The following SPAG16 variants were observed in gnomAD, a reference collection of about 807,000 sequenced individuals.
The protein encoded by SPAG16 is sperm associated antigen 16.
SPAG16 carries 86 observed loss-of-function variants against 80.4 expected under a neutral mutation model. The observed-to-expected ratio is 1.07, with a 90% CI of 0.90 to 1.28. The LOEUF is 1.28. Ranked by LOEUF, SPAG16 falls within the 50% of genes most tolerant of loss-of-function variation. The pLI, the probability that SPAG16 is intolerant of heterozygous loss-of-function variation, is 0.00. For missense variants in SPAG16, 870 were observed against 765.3 expected (o/e 1.14, Z -1.61); for synonymous variants, 294 against 265.9 (o/e 1.11, Z -1.03).
At chr2:214,377,262 A>C (rs550125768) in intron 15 of SPAG16, among the ~76,000 whole-genome samples, 38 of 152,310 alleles carry the variant, frequency 2.5e-4, no homozygotes, top group African/African-American at 8.7e-4. Context: ...GCAATATCGT[A>C]AACCTTAAAT....
At chr2:214,181,419 G>C (rs144680463) in intron 15 of SPAG16, among the ~76,000 whole-genome samples, 1 of 151,798 alleles carries the variant, frequency 6.6e-6, no homozygotes, top group East Asian at 2.0e-4. Flanking sequence ...GCATCCCAAG[G>C]CATCCCAGGG....
chr2:214,145,855 A>G (rs1362934294), intron 14 of SPAG16, among the ~76,000 whole-genome samples: 1 of 152,170 alleles, frequency 6.6e-6, no homozygotes, highest in Non-Finnish European at 1.5e-5. Flanking sequence ...GTATTCATTC[A>G]TTCATTCAAT....
chr2:213,813,800 C>A (rs538062191), intron 10 of SPAG16, among the ~76,000 whole-genome samples: 2 of 152,120 alleles, frequency 1.3e-5, no homozygotes, highest in African/African-American at 4.8e-5. Flanking sequence ...ACAAAAAACA[C>A]AAACTCTCTC....
Position 213,375,137 on chromosome 2 carries a change from G to A in SPAG16, c.942+18G>A. The stretch of plus-strand genomic sequence containing the variant: ...ATACAAAGGTATGATATTTGTTTTT[G>A]TTTGCATTAAGTCATACTTAACTCT... On this transcript the variant is annotated intron_variant, in intron 9 of 15. Transcript: ENST00000331683. 4 of 1,532,330 alleles carry A rather than the reference G, an allele frequency of 2.6e-6. No individual in the cohort carries two copies. Among genetic ancestry groups the A allele is most frequent in the Non-Finnish European group, 2.7e-6 (3 of 1,121,304 alleles). The allele number at this position is 1,532,330 out of a possible 1,614,324, so 94.9% of individuals were successfully genotyped here.
intron 10 of SPAG16, among the ~76,000 whole-genome samples, chr2:213,704,925 T>A (rs2065669059): frequency 6.6e-6 from 1 of 152,012 alleles, no homozygotes; most frequent in Non-Finnish European, 1.5e-5. Flanking sequence ...GAAGTCTGCC[T>A]GAACTACGGT....
chr2:213,608,772 G>A (rs1027677954), intron 10 of SPAG16, among the ~76,000 whole-genome samples: 2 of 152,178 alleles, frequency 1.3e-5, no homozygotes, highest in Admixed American at 1.3e-4. Context: ...TGCCAACTCC[G>A]CCTCCTGCGT....
intron 9 of SPAG16, among the ~76,000 whole-genome samples, chr2:213,407,103 C>T (rs1043581901): frequency 6.6e-6 from 1 of 151,996 alleles, no homozygotes; most frequent in African/African-American, 2.4e-5. Flanking sequence ...TGTGTGTGTG[C>T]GTGAATGATC....
chr2:214,368,442 T>A (rs1324985921), intron 15 of SPAG16, among the ~76,000 whole-genome samples: 1 of 152,140 alleles, frequency 6.6e-6, no homozygotes, highest in African/African-American at 2.4e-5. Context: ...TTTTCACAAG[T>A]AGAGACTTCA....
chr2:214,159,820 A>G (rs188614558), intron 15 of SPAG16, among the ~76,000 whole-genome samples: 6 of 152,062 alleles, frequency 3.9e-5, no homozygotes, highest in Admixed American at 1.3e-4. Context: ...CTCTGTAAAT[A>G]TTTTGAAATA....
chr2:213,981,643 C>T (rs1339640592), intron 12 of SPAG16, among the ~76,000 whole-genome samples: 1 of 151,962 alleles, frequency 6.6e-6, no homozygotes, highest in Non-Finnish European at 1.5e-5. Context: ...AGTTTGTTTT[C>T]ATTCACTTAA....
intron 10 of SPAG16, among the ~76,000 whole-genome samples, chr2:213,567,228 ATTGT>A (rs2059801628): frequency 8.1e-6 from 1 of 122,792 alleles, no homozygotes; most frequent in African/African-American, 3.5e-5. Flanking sequence ...CTTGTTTGAC[ATTGT>A]TTTTTTTTTT....
chr2:214,151,242 A>G (rs2125575303), intron 15 of SPAG16, among the ~76,000 whole-genome samples: 1 of 152,244 alleles, frequency 6.6e-6, no homozygotes, highest in East Asian at 1.9e-4. Flanking sequence ...AGGTTGAATT[A>G]TATCAAAAAT....
intron 10 of SPAG16, among the ~76,000 whole-genome samples, chr2:213,791,489 A>G (rs1430871157): frequency 6.6e-6 from 1 of 152,090 alleles, no homozygotes; most frequent in African/African-American, 2.4e-5. Context: ...ACGGAAGACT[A>G]TTTGACAACA....
chr2:213,458,214 A>T (rs2072150277), intron 9 of SPAG16, among the ~76,000 whole-genome samples: 2 of 152,006 alleles, frequency 1.3e-5, no homozygotes, highest in Admixed American at 1.3e-4. Context: ...TATCATCATT[A>T]CTTCATATAT....
intron 15 of SPAG16, among the ~76,000 whole-genome samples, chr2:214,274,556 A>G (rs1006101623): frequency 2.0e-5 from 3 of 152,148 alleles, no homozygotes; most frequent in African/African-American, 7.2e-5. Flanking sequence ...TGAGGTAATC[A>G]TATGGTTTTT....
intron 10 of SPAG16, among the ~76,000 whole-genome samples, chr2:213,850,449 G>T (rs1256884355): frequency 6.6e-6 from 1 of 152,216 alleles, no homozygotes; most frequent in African/African-American, 2.4e-5. Flanking sequence ...GGACAGTCGA[G>T]TAGAAATGTG....
At chr2:213,763,494 G>A (rs2068770078) in intron 10 of SPAG16, among the ~76,000 whole-genome samples, 1 of 152,164 alleles carries the variant, frequency 6.6e-6, no homozygotes, top group South Asian at 2.1e-4. Context: ...CATAGAAGCA[G>A]AAACTTGAAT....
chr2:214,403,987 T>C (rs1351075656), intron 15 of SPAG16, among the ~76,000 whole-genome samples: 1 of 152,178 alleles, frequency 6.6e-6, no homozygotes, highest in East Asian at 1.9e-4. Context: ...AGGTTGATTT[T>C]TGTTAGGAAG....
intron 13 of SPAG16, among the ~76,000 whole-genome samples, chr2:214,014,764 CTA>C (rs1043388644): frequency 2.0e-5 from 3 of 152,134 alleles, no homozygotes; most frequent in African/African-American, 7.2e-5. Context: ...AAGTCTTAAA[CTA>C]TTTCCGAGAG....
Sources: allele counts gnomAD v4.1 joint callset (sites outside exome capture counted in the v4.1 genomes callset), GRCh38; gene constraint gnomAD v4.1.1; transcripts MANE v1.5; gene names NCBI Gene and HGNC (gene_info 2026-07-23, HGNC 2026-07-21).